Variants in RAD9B observed in about 807,000 individuals in gnomAD.
RAD9B encodes cell cycle checkpoint control protein RAD9B.
Under a neutral mutation model 48.3 loss-of-function variants are expected in RAD9B, and 41 were observed. The observed-to-expected ratio is 0.85, with a 90% CI of 0.66 to 1.10. The LOEUF (loss-of-function observed/expected upper bound fraction) is 1.10, where lower values mean the gene tolerates loss of function less well. Ranked by LOEUF, RAD9B falls within the 50% of genes least tolerant of loss-of-function variation. The probability of loss-of-function intolerance (pLI) is 0.00; values close to 1 mark genes in which losing one functional copy is unlikely to be tolerated. For missense variants in RAD9B, 444 were observed against 485.1 expected, an observed-to-expected ratio of 0.92 and a Z score of 0.80; for synonymous variants, 160 against 157.9, an observed-to-expected ratio of 1.01 and a Z score of -0.10.
chr12:110,504,235 G>A (rs1014790563), intron 2 of RAD9B, among the ~76,000 whole-genome samples: 7 of 151,710 alleles, frequency 4.6e-5, no homozygotes, highest in Non-Finnish European at 8.8e-5. Context: ...TTGGGAGGCC[G>A]AGGTGGGTGG....
rs1327690427 is a variant in RAD9B at position 110,532,623 on chromosome 12, C to T, written c.*1970C>T. On this transcript the variant is annotated 3_prime_UTR_variant, in exon 11 of 11. Coordinates refer to ENST00000409300, the MANE Select transcript of RAD9B (RefSeq NM_001286535.2). ...AATACAGTCATGTGCTGCATAACAA[C>T]GTTTTGGTCAACGATGGACTGCACA... 1.3e-5 allele frequency among the ~76,000 whole-genome samples: 2 copies of T among 152,308 alleles called. No homozygotes were observed. The highest frequency in any genetic ancestry group is 2.1e-4 in the South Asian group (1 of 4,832).
chr12:110,503,958 G>C (rs1282427260), intron 2 of RAD9B, 82 bp downstream of exon 2: 6 of 734,022 alleles, frequency 8.2e-6, no homozygotes, highest in Non-Finnish European at 1.3e-5. Flanking sequence ...TGTTAACTAG[G>C]AAATCCAGAA....
At chr12:110,517,806 G>A (rs897787642) in intron 6 of RAD9B, among the ~76,000 whole-genome samples, 3 of 146,098 alleles carry the variant, frequency 2.1e-5, no homozygotes, top group Non-Finnish European at 4.5e-5. Flanking sequence ...TTATAAAAAT[G>A]TGCTTATTGA....
chr12:110,512,781 A>ATTT lies in RAD9B; in HGVS notation c.393_394insTTT (p.Ile131_Lys132insPhe). The ATTT allele has an allele frequency of 7.9e-7, 1 of 1,270,540 alleles. No homozygotes were observed. Among genetic ancestry groups the ATTT allele is most frequent in the Non-Finnish European group, 1.1e-6 (1 of 898,844 alleles). The allele number at this position is 1,270,540 out of a possible 1,614,324, so 78.7% of individuals were successfully genotyped here. A position where few individuals can be genotyped will look rare whatever the true frequency, so the allele number is the denominator to read the frequency against. ...GAGGTGGCTTTATTCTTTTTAAGGT[A>ATTT]TTAAAAGAACTCATAATATATGTTT... On this transcript the variant is annotated inframe_insertion, in exon 5 of 11. Transcript: ENST00000409300.
rs1246907476 is a variant in RAD9B at position 110,531,019 on chromosome 12, T to C, written c.*366T>C. ...CCATTTAGAGTGCCATCAAGATGGC[T>C]TGAAATGGAATTTTGTGATTTGTAG... is the stretch of plus-strand genomic sequence containing the variant. On this transcript the variant is annotated 3_prime_UTR_variant, in exon 11 of 11. Transcript: ENST00000409300. The C allele has an allele frequency of 7.9e-6, 8 of 1,007,978 alleles. No homozygotes were observed. Among genetic ancestry groups the C allele is most frequent in the African/African-American group, 1.7e-5 (1 of 57,806 alleles). The allele number at this position is 1,007,978 out of a possible 1,614,324, so 62.4% of individuals were successfully genotyped here.
chr12:110,505,935 A>T (rs982816446), intron 3 of RAD9B, among the ~76,000 whole-genome samples, 163 bp downstream of exon 3: 3 of 152,176 alleles, frequency 2.0e-5, no homozygotes, highest in African/African-American at 7.2e-5. Flanking sequence ...CCCAGGCTGG[A>T]GTGCAGTGGT....
chr12:110,506,034 G>A (rs1438934968), intron 3 of RAD9B, among the ~76,000 whole-genome samples: 1 of 152,032 alleles, frequency 6.6e-6, no homozygotes, highest in Non-Finnish European at 1.5e-5. Context: ...ATAGGCGTGT[G>A]CCACCATGCC....
intron 4 of RAD9B, 123 bp downstream of exon 4, chr12:110,506,816 A>G: frequency 1.8e-6 from 1 of 569,066 alleles, no homozygotes; most frequent in African/African-American, 1.9e-5. Context: ...TGTGTAGTTA[A>G]GTGGTAGGGC....
Position 110,530,683 on chromosome 12 carries a change from C to T in RAD9B, c.*30C>T, listed in dbSNP as rs756184185. 9 of 1,611,808 alleles carry T rather than the reference C, an allele frequency of 5.6e-6. No individual in the cohort carries two copies. The highest frequency in any genetic ancestry group is 1.3e-5 in the African/African-American group (1 of 74,840). On this transcript the variant is annotated 3_prime_UTR_variant, in exon 11 of 11. Transcript: ENST00000409300. The stretch of plus-strand genomic sequence containing the variant: ...TAATGATGGCTGAGCTGGGCCCCAG[C>T]CCAGTGACTGGCTCATTTGCCCCTC...
chr12:110,502,698 A>G (rs79025321), intron 1 of RAD9B: 3,769 of 276,370 alleles, frequency 0.014, 146 homozygotes, highest in African/African-American at 0.076. Context: ...TTGGACAGTA[A>G]AAGTATTTTT....
rs530304019 is a variant in RAD9B, at chr12:110,505,593, A to G, written c.118-24A>G. 15 of 1,535,076 alleles carry G rather than the reference A, an allele frequency of 9.8e-6. No individual in the cohort carries two copies. In the East Asian group the frequency reaches 3.2e-4, roughly 33 times the overall value. ...AGCCACCATGCGCAACCTCTCCTAA[A>G]TAGTTTTTATCTTATTTTTCTAGCT... On this transcript the variant is annotated intron_variant, in intron 2 of 10. Transcript: ENST00000409300.
chr12:110,523,298 G>C (rs947150196), intron 10 of RAD9B, among the ~76,000 whole-genome samples: 1 of 151,992 alleles, frequency 6.6e-6, no homozygotes, highest in Non-Finnish European at 1.5e-5. Flanking sequence ...GCCAGATGTG[G>C]TGGCTGTAGA....
At chr12:110,530,266 C>T (rs956656980) in intron 10 of RAD9B, among the ~76,000 whole-genome samples, 2 of 152,052 alleles carry the variant, frequency 1.3e-5, no homozygotes, top group Admixed American at 6.6e-5. Context: ...AGGATGGTCT[C>T]GATCTCCTGA....
chr12:110,512,327 T>G (rs993106356), intron 4 of RAD9B, among the ~76,000 whole-genome samples: 4 of 151,788 alleles, frequency 2.6e-5, no homozygotes, highest in Non-Finnish European at 4.4e-5. Flanking sequence ...TTTTGTATTT[T>G]TAGTAGAGAC....
chr12:110,510,752 T>TA (rs1281104193), intron 4 of RAD9B, among the ~76,000 whole-genome samples: 1 of 152,072 alleles, frequency 6.6e-6, no homozygotes, highest in Non-Finnish European at 1.5e-5. Context: ...AAAAGGACAA[T>TA]AATTCAGCCT....
chr12:110,521,602 G>C (rs2063788755), intron 9 of RAD9B, among the ~76,000 whole-genome samples: 1 of 149,446 alleles, frequency 6.7e-6, no homozygotes, highest in Admixed American at 6.7e-5. Flanking sequence ...TGTCACCCGG[G>C]CTGGAGTGCA....
chr12:110,519,409 T>TTTGTTG lies in RAD9B; in HGVS notation c.768-351_768-346dup, dbSNP rs200200978. On this transcript the variant is annotated intron_variant, in intron 8 of 10. Coordinates refer to ENST00000409300, the MANE Select transcript of RAD9B (RefSeq NM_001286535.2). ...GTGAGCCATAGCACCCGGCCTACTG[T>TTTGTTG]TTGTTGTTGTTGTTGTTGTTGTTGT... Among the ~76,000 whole-genome samples, 1,107 of 116,778 alleles carry TTTGTTG rather than the reference T, an allele frequency of 9.5e-3. 10 individuals are homozygous for TTTGTTG. Among genetic ancestry groups the TTTGTTG allele is most frequent in the African/African-American group, 0.039 (928 of 23,932 alleles). The allele number at this position is 116,778 out of a possible 152,430, so 76.6% of individuals were successfully genotyped here. A position where few individuals can be genotyped will look rare whatever the true frequency, so the allele number is the denominator to read the frequency against.
At chr12:110,515,811 G>C (rs186485933) in intron 6 of RAD9B, among the ~76,000 whole-genome samples, 2 of 152,194 alleles carry the variant, frequency 1.3e-5, no homozygotes, top group African/African-American at 2.4e-5. Context: ...CAGGGCTTAA[G>C]TTGGGTCACA....
intron 1 of RAD9B, 53 bp downstream of exon 1, chr12:110,502,436 A>C: frequency 6.3e-7 from 1 of 1,593,280 alleles, no homozygotes; most frequent in Non-Finnish European, 8.6e-7. Context: ...GCAGACGTTA[A>C]TAGGTCGTCC....
Sources: allele counts gnomAD v4.1 joint callset (sites outside exome capture counted in the v4.1 genomes callset), GRCh38; gene constraint gnomAD v4.1.1; transcripts MANE v1.5; gene names NCBI Gene and HGNC (gene_info 2026-07-23, HGNC 2026-07-21).